SLC26A3: variants seen among roughly 807,000 people sequenced by gnomAD.
SLC26A3 encodes the protein solute carrier family 26 member 3, also known as chloride anion exchanger.
In SLC26A3, 64 loss-of-function variants were observed where a neutral mutation model predicts 85.6. The observed-to-expected ratio is 0.75, with a 90% CI of 0.61 to 0.92. SLC26A3 has a LOEUF of 0.92. Among genes scored for constraint, SLC26A3 ranks in the 40% least tolerant of loss-of-function variants. The probability of loss-of-function intolerance (pLI) is 0.00; values close to 1 mark genes in which losing one functional copy is unlikely to be tolerated. For synonymous variants in SLC26A3, 349 were observed against 336.0 expected, an observed-to-expected ratio of 1.04 and a Z score of -0.42; for missense variants, 922 against 927.3, an observed-to-expected ratio of 0.99 and a Z score of 0.07.
Position 107,789,760 on chromosome 7 carries a change from T to C in SLC26A3, c.571-72A>G, listed in dbSNP as rs113488689. The C allele has an allele frequency of 6.8e-5, 98 of 1,441,324 alleles. No individual in the cohort carries two copies. The Middle Eastern group carries it at 7.0e-4, about 10-fold the overall frequency. The allele number at this position is 1,441,324 out of a possible 1,614,324, so 89.3% of individuals were successfully genotyped here. ...CTCAGCAAACTCAAGGATCCGCAAC[T>C]GAAATAATATTACACAAAACGTAAA... On this transcript the variant is annotated intron_variant, in intron 5 of 20. Transcript: ENST00000340010.
intron 1 of SLC26A3, among the ~76,000 whole-genome samples, chr7:107,799,813 G>A (rs909631548): frequency 2.0e-5 from 3 of 152,214 alleles, no homozygotes; most frequent in African/African-American, 7.2e-5. Flanking sequence ...AGCAGTCTCA[G>A]AAGTGAGTTA....
chr7:107,782,696 T>C (rs1794231202), intron 11 of SLC26A3, 101 bp downstream of exon 11: 1 of 1,092,046 alleles, frequency 9.2e-7, no homozygotes, highest in African/African-American at 1.5e-5. Flanking sequence ...GAGTTTGTCA[T>C]TACCTCATTT....
rs972155548 is a variant in SLC26A3 at position 107,793,648 on chromosome 7, G to A, written c.271+94C>T. 12 of 942,670 alleles carry A rather than the reference G, an allele frequency of 1.3e-5. No individual in the cohort carries two copies. In the African/African-American group the frequency reaches 1.6e-4, roughly 13 times the overall value. 58.4% of individuals were successfully genotyped at this position (942,670 alleles called of 1,614,324 possible). ...CCAGAATTAGATAGTGGTGACAGATGCACAACCTAGTGAATATACGAAAAG... is the reference window on the plus strand; with the variant it reads ...CCAGAATTAGATAGTGGTGACAGATACACAACCTAGTGAATATACGAAAAG... On this transcript the variant is annotated intron_variant, in intron 3 of 20. Coordinates refer to ENST00000340010, the MANE Select transcript of SLC26A3 (RefSeq NM_000111.3).
intron 8 of SLC26A3, among the ~76,000 whole-genome samples, chr7:107,784,712 G>A (rs958847845): frequency 4.6e-5 from 7 of 152,208 alleles, no homozygotes; most frequent in South Asian, 2.1e-4. Context: ...GATTACAGAC[G>A]TGAGCCATGG....
At chr7:107,788,480 T>C (rs1027935810) in intron 6 of SLC26A3, among the ~76,000 whole-genome samples, 1 of 152,150 alleles carries the variant, frequency 6.6e-6, no homozygotes, top group Non-Finnish European at 1.5e-5. Context: ...ACTTCAATTC[T>C]AAAAGAATGA....
intron 17 of SLC26A3, among the ~76,000 whole-genome samples, chr7:107,773,455 C>G (rs1794058465): frequency 6.6e-6 from 1 of 152,204 alleles, no homozygotes; most frequent in Non-Finnish European, 1.5e-5. Context: ...TTTCAAGAGT[C>G]CACTGAACAC....
chr7:107,796,223 C>G (rs1794496886), intron 1 of SLC26A3, among the ~76,000 whole-genome samples: 1 of 151,988 alleles, frequency 6.6e-6, no homozygotes, highest in Non-Finnish European at 1.5e-5. Flanking sequence ...GTCCTCCTGT[C>G]TCCTGAGTAG....
At position 107,783,304 on chromosome 7, in the gene SLC26A3, T is replaced by C. The variant is rs750805326; in HGVS notation, c.1020A>G (p.Val340=). 1.2e-6 allele frequency: 2 copies of C among 1,614,118 alleles called. No individual in the cohort carries two copies. The highest frequency in any genetic ancestry group is 1.1e-5 in the South Asian group (1 of 91,086). The change falls in exon 9 of 21, where the codon GTA becomes GTG. Residue 340 remains valine (V), a synonymous_variant. Transcript: ENST00000340010. ...TPDVETFQNT[V]GDCFGIAMVA... ...CCATTGCGATGCCGAAGCAATCTCC[T>C]ACGGTGTTTTGGAAAGTCTCCACGT... is the stretch of plus-strand genomic sequence containing the variant.
chr7:107,796,982 A>AC (rs1794515584), intron 1 of SLC26A3, among the ~76,000 whole-genome samples: 1 of 151,746 alleles, frequency 6.6e-6, no homozygotes. Context: ...TTTTATTTTA[A>AC]TTTTTTTTGC....
chr7:107,769,356 A>T (rs978005138), intron 18 of SLC26A3, among the ~76,000 whole-genome samples: 1 of 152,232 alleles, frequency 6.6e-6, no homozygotes, highest in African/African-American at 2.4e-5. Context: ...GATAAAGAAA[A>T]TGTGGTACAT....
At chr7:107,792,480 A>G (rs1794419561) in intron 3 of SLC26A3, among the ~76,000 whole-genome samples, 1 of 151,978 alleles carries the variant, frequency 6.6e-6, no homozygotes, top group Admixed American at 6.6e-5. Flanking sequence ...TGCAACCTAG[A>G]TCCCTTGCGT....
chr7:107,782,744 G>A (rs745315429), intron 11 of SLC26A3, 53 bp downstream of exon 11: 10 of 1,501,252 alleles, frequency 6.7e-6, no homozygotes, highest in South Asian at 3.4e-5. Context: ...TTTAAGAACC[G>A]GGGTCCTTGA....
rs201803182 is a variant in SLC26A3, at chr7:107,794,476, C to A, written c.34G>T (p.Ala12Ser). Residue 12 changes from alanine (A) to serine (S), a missense_variant, in exon 2 of 21, where the codon GCC (alanine) becomes TCC (serine). Coordinates refer to ENST00000340010, the MANE Select transcript of SLC26A3 (RefSeq NM_000111.3). Reference protein sequence around the residue: ...IEPFGNQYIVARPVYSTNAFE... With the variant: ...IEPFGNQYIVSRPVYSTNAFE... ...GCATTTGTAGAATACACTGGCCTGGCCACAATATACTGATTCCCAAAGGGT... is the reference window on the plus strand; with the variant it reads ...GCATTTGTAGAATACACTGGCCTGGACACAATATACTGATTCCCAAAGGGT... The A allele has an allele frequency of 6.8e-6, 11 of 1,613,982 alleles. No homozygotes were observed. The East Asian group carries it at 2.2e-4, about 33-fold the overall frequency.
At chr7:107,765,973 G>GTTT in intron 20 of SLC26A3, 95 bp from the exon 21 acceptor site, 1 of 925,566 alleles carries the variant, frequency 1.1e-6, no homozygotes, top group Non-Finnish European at 1.7e-6. Context: ...GAGTTAACAG[G>GTTT]TTTTTTTTTT....
In SLC26A3 at chr7:107,779,768, G is replaced by A. The variant is rs370851684; in HGVS notation, c.1312-5C>T. On this transcript the variant is annotated splice_polypyrimidine_tract_variant and splice_region_variant and intron_variant, in intron 11 of 20. Coordinates refer to ENST00000340010, the MANE Select transcript of SLC26A3 (RefSeq NM_000111.3). ...TGCTAAAGCTGCCAGGACGGACTGT[G>A]AAAAACACAAACATCAGATGTACTT... is the stretch of plus-strand genomic sequence containing the variant. 1.1e-5 allele frequency: 17 copies of A among 1,610,318 alleles called. No homozygotes were observed. Among genetic ancestry groups the A allele is most frequent in the Non-Finnish European group, 1.4e-5 (16 of 1,176,802 alleles).
At chr7:107,780,247 A>G (rs570336587) in intron 11 of SLC26A3, among the ~76,000 whole-genome samples, 21 of 152,190 alleles carry the variant, frequency 1.4e-4, no homozygotes, top group African/African-American at 4.3e-4. Context: ...CATGAAACAT[A>G]TCTATCTAGT....
At chr7:107,799,031 C>T (rs1019127253) in intron 1 of SLC26A3, among the ~76,000 whole-genome samples, 1 of 152,062 alleles carries the variant, frequency 6.6e-6, no homozygotes, top group African/African-American at 2.4e-5. Flanking sequence ...ACAAAAAGCT[C>T]CACATTCTGG....
At chr7:107,791,770 C>T in intron 4 of SLC26A3, 60 bp downstream of exon 4, 1 of 1,066,448 alleles carries the variant, frequency 9.4e-7, no homozygotes, top group Non-Finnish European at 1.5e-6. Flanking sequence ...GAAGGTATGG[C>T]TAATAAAATT....
At chr7:107,779,857 AG>A in intron 11 of SLC26A3, 94 bp from the exon 12 acceptor site, 1 of 1,015,754 alleles carries the variant, frequency 9.8e-7, no homozygotes, top group East Asian at 2.5e-5. Flanking sequence ...TGTGCTTTAA[AG>A]GGCCTCAAAG....
Sources: allele counts gnomAD v4.1 joint callset (sites outside exome capture counted in the v4.1 genomes callset), GRCh38; gene constraint gnomAD v4.1.1; transcripts MANE v1.5; gene names NCBI Gene and HGNC (gene_info 2026-07-23, HGNC 2026-07-21).